Variants in FBXO17 observed in about 807,000 individuals in gnomAD.
FBXO17 encodes F-box protein 17, also known as F-box only protein 17.
Under a neutral mutation model 34.1 loss-of-function variants are expected in FBXO17, and 43 were observed. The ratio of observed to expected loss-of-function variants is 1.26; its 90% CI spans 0.99 to 1.62. The LOEUF is 1.62. FBXO17 is among the 40% of genes most tolerant of loss of function. The probability of loss-of-function intolerance (pLI) is 0.00; values close to 1 mark genes in which losing one functional copy is unlikely to be tolerated. For synonymous variants in FBXO17, 169 were observed against 166.0 expected, an observed-to-expected ratio of 1.02 and a Z score of -0.14; for missense variants, 424 against 386.7, an observed-to-expected ratio of 1.10 and a Z score of -0.81.
chr19:38,973,197 A>G (rs1265216130), intron 1 of FBXO17, among the ~76,000 whole-genome samples: 3 of 150,020 alleles, frequency 2.0e-5, no homozygotes, highest in Non-Finnish European at 4.4e-5. Flanking sequence ...ACACGGTGAA[A>G]CCCCATCTCT....
intron 5 of FBXO17, among the ~76,000 whole-genome samples, chr19:38,943,205 G>C (rs1974919284): frequency 8.5e-6 from 1 of 117,730 alleles, no homozygotes; most frequent in Admixed American, 9.6e-5. Flanking sequence ...GGCCACAGGA[G>C]GACTTTGGCT....
At chr19:38,964,037 G>A (rs1261594641) in intron 1 of FBXO17, among the ~76,000 whole-genome samples, 1 of 152,128 alleles carries the variant, frequency 6.6e-6, no homozygotes, top group Admixed American at 6.6e-5. Context: ...GCCTGCCTCG[G>A]CTTCCCAAAG....
intron 5 of FBXO17, chr19:38,944,698 T>C (rs926882726): frequency 6.5e-6 from 3 of 459,850 alleles, no homozygotes; most frequent in Admixed American, 7.8e-5. Context: ...AGGATTTTGC[T>C]TCACTGCTGC....
chr19:38,960,486 C>T (rs1975232116), intron 1 of FBXO17, among the ~76,000 whole-genome samples: 1 of 151,906 alleles, frequency 6.6e-6, no homozygotes, highest in African/African-American at 2.4e-5. Flanking sequence ...CCTGGTCTGT[C>T]CAGCTACTTT....
Position 38,950,161 on chromosome 19 carries a change from C to T in FBXO17, c.159G>A (p.Val53=), listed in dbSNP as rs777516920. ...RPVCRAWRDI[V]DGPTVWLLQL... ...GCAGCAGCCACACAGTGGGCCCGTC[C>T]ACTATGTCGCGCCAGGCGCGGCACA... is the stretch of plus-strand genomic sequence containing the variant. Residue 53 remains valine, a synonymous_variant, in exon 2 of 6, where the codon GTG becomes GTA. Transcript: ENST00000292852. 8.3e-6 allele frequency: 13 copies of T among 1,560,942 alleles called. No individual in the cohort carries two copies. In the African/African-American group the frequency reaches 1.5e-4, roughly 18 times the overall value.
chr19:38,941,918 T>A lies in FBXO17; in HGVS notation c.*690A>T, dbSNP rs1187237985. Reference sequence around the variant, plus strand: ...GCGGACCTCTGCTCCCTGCCCACGATCATTACCCCCAAAACATGCCGGCAA... The same window carrying A: ...GCGGACCTCTGCTCCCTGCCCACGAACATTACCCCCAAAACATGCCGGCAA... On this transcript the variant is annotated 3_prime_UTR_variant, in exon 6 of 6. Coordinates refer to ENST00000292852, the MANE Select transcript of FBXO17 (RefSeq NM_024907.7). 5 of 152,102 alleles carry A rather than the reference T, an allele frequency of 3.3e-5. No individual in the cohort carries two copies. The highest frequency in any genetic ancestry group is 5.9e-5 in the Non-Finnish European group (4 of 68,036). The allele number at this position is 152,102 out of a possible 1,614,324, so 9.4% of individuals were successfully genotyped here. A position where few individuals can be genotyped will look rare whatever the true frequency, so the allele number is the denominator to read the frequency against.
intron 1 of FBXO17, among the ~76,000 whole-genome samples, chr19:38,967,568 AT>A (rs59028401): frequency 1.6e-3 from 238 of 148,172 alleles, no homozygotes; most frequent in Admixed American, 3.2e-3. Context: ...GGAAAATGCA[AT>A]TTTTTTTTTT....
chr19:38,961,159 A>G (rs1340238816), intron 1 of FBXO17, among the ~76,000 whole-genome samples: 1 of 152,142 alleles, frequency 6.6e-6, no homozygotes, highest in African/African-American at 2.4e-5. Context: ...GGGTTTTACT[A>G]ACACAGCAGC....
intron 1 of FBXO17, among the ~76,000 whole-genome samples, chr19:38,969,635 C>T (rs1402776568): frequency 2.3e-5 from 3 of 131,900 alleles, no homozygotes; most frequent in Non-Finnish European, 3.1e-5. Flanking sequence ...CTCACTCTAT[C>T]GCCCAGGCTG....
At chr19:38,948,886 T>G (rs1023190206) in intron 2 of FBXO17, among the ~76,000 whole-genome samples, 4 of 152,182 alleles carry the variant, frequency 2.6e-5, no homozygotes, top group African/African-American at 9.7e-5. Context: ...TCCACTCAGC[T>G]TCTCTTCAGC....
intron 1 of FBXO17, among the ~76,000 whole-genome samples, chr19:38,954,728 C>T (rs1370036698): frequency 2.2e-5 from 3 of 138,126 alleles, no homozygotes; most frequent in African/African-American, 2.7e-5. Context: ...TATAGGCGCC[C>T]GCCACCACAC....
chr19:38,944,279 TTA>T (rs1974938926), intron 5 of FBXO17, among the ~76,000 whole-genome samples: 1 of 139,128 alleles, frequency 7.2e-6, no homozygotes, highest in Non-Finnish European at 1.6e-5. Flanking sequence ...ATTATTATTA[TTA>T]TTTTTAGTTA....
At position 38,954,795 on chromosome 19, in the gene FBXO17, T is replaced by G. The variant is rs555204228; in HGVS notation, c.-17-4459A>C. Among the ~76,000 whole-genome samples the G allele has an allele frequency of 3.0e-3, 441 of 148,616 alleles. 6 individuals are homozygous for G. The highest frequency in any genetic ancestry group is 0.02 in the South Asian group (92 of 4,654). The stretch of plus-strand genomic sequence containing the variant: ...GGGTTTCACCATGTTGGCCAGGCTG[T>G]TCTCAAACTCCTGACCTCAGGTGAT... On this transcript the variant is annotated intron_variant, in intron 1 of 5. Transcript: ENST00000292852.
chr19:38,960,877 G>A (rs998926432), intron 1 of FBXO17, among the ~76,000 whole-genome samples: 2 of 150,238 alleles, frequency 1.3e-5, no homozygotes, highest in Admixed American at 6.7e-5. Flanking sequence ...CATGATCTCC[G>A]CTCACTGCAA....
At chr19:38,972,994 C>T (rs1975409632) in intron 1 of FBXO17, among the ~76,000 whole-genome samples, 1 of 152,154 alleles carries the variant, frequency 6.6e-6, no homozygotes, top group South Asian at 2.1e-4. Flanking sequence ...CTCAGCCTCC[C>T]AAAGTGCTGG....
rs750439763 is a variant in FBXO17, at chr19:38,950,053, C to A, written c.267G>T (p.Glu89Asp). 6.4e-7 allele frequency: 1 copy of A among 1,568,908 alleles called. No homozygotes were observed. Among genetic ancestry groups the A allele is most frequent in the Non-Finnish European group, 8.6e-7 (1 of 1,158,350 alleles). ...GCGCCAGGGCGCACAGCGGGAACTC[C>A]TCCTTGTCTTCGTTGCTGGGCAGGC... ...QRCLPSNEDK[E>D]EFPLCALARY... Residue 89 changes from glutamate to aspartate, a missense_variant, in exon 2 of 6, where the codon GAG becomes GAT. Coordinates refer to ENST00000292852, the MANE Select transcript of FBXO17 (RefSeq NM_024907.7).
intron 1 of FBXO17, among the ~76,000 whole-genome samples, chr19:38,957,503 G>A (rs1975183390): frequency 6.6e-6 from 1 of 152,074 alleles, no homozygotes; most frequent in African/African-American, 2.4e-5. Context: ...CTGCCACCAC[G>A]CCTGGCTAAC....
At chr19:38,948,176 C>T (rs1975014443) in intron 3 of FBXO17, among the ~76,000 whole-genome samples, 2 of 151,938 alleles carry the variant, frequency 1.3e-5, no homozygotes, top group Admixed American at 1.3e-4. Flanking sequence ...GGGTTTCCCC[C>T]TGTTGGCCAG....
intron 1 of FBXO17, among the ~76,000 whole-genome samples, chr19:38,966,322 G>GTGTGTGTGTGTGT (rs1487113035): frequency 2.0e-5 from 1 of 49,650 alleles, no homozygotes; most frequent in Non-Finnish European, 4.2e-5. Context: ...TGTGTGTGTG[G>GTGTGTGTGTGTGT]AGATGGGGTC....
Sources: gnomAD v4.1 joint callset for allele counts (sites outside exome capture counted in the v4.1 genomes callset) on GRCh38, gnomAD v4.1.1 for gene constraint, MANE v1.5 for transcripts, NCBI Gene and HGNC (gene_info 2026-07-23, HGNC 2026-07-21) for gene names.